The following DTD1 variants were observed in gnomAD, a reference collection of about 807,000 sequenced individuals.
The protein encoded by DTD1 is D-tyrosyl-tRNA deacylase 1 homolog.
Under a neutral mutation model 25.6 loss-of-function variants are expected in DTD1, and 13 were observed. That is an observed-to-expected ratio of 0.51 (90% confidence interval 0.33 to 0.81). DTD1 has a LOEUF of 0.81. Among genes scored for constraint, DTD1 ranks in the 30% least tolerant of loss-of-function variants. The pLI is 0.02. For missense variants in DTD1, 193 were observed against 266.4 expected, an observed-to-expected ratio of 0.72 and a Z score of 1.92; for synonymous variants, 110 against 103.6, an observed-to-expected ratio of 1.06 and a Z score of -0.37.
chr20:18,719,122 C>T (rs574410121), intron 4 of DTD1, among the ~76,000 whole-genome samples: 4 of 152,348 alleles, frequency 2.6e-5, no homozygotes, highest in Non-Finnish European at 5.9e-5. Context: ...GATATAACCT[C>T]ATCCTAAGTC....
intron 3 of DTD1, among the ~76,000 whole-genome samples, chr20:18,623,750 A>G (rs1711818146): frequency 6.6e-6 from 1 of 152,186 alleles, no homozygotes; most frequent in South Asian, 2.1e-4. Context: ...GACATACCCA[A>G]CACAGCAGCC....
At chr20:18,753,675 A>G (rs916225631) in intron 5 of DTD1, among the ~76,000 whole-genome samples, 2 of 151,710 alleles carry the variant, frequency 1.3e-5, no homozygotes, top group African/African-American at 2.4e-5. Flanking sequence ...AGATGGGAGA[A>G]TAAGTTAAAG....
intron 4 of DTD1, among the ~76,000 whole-genome samples, chr20:18,669,059 CT>C (rs1306425141): frequency 6.6e-6 from 1 of 152,220 alleles, no homozygotes; most frequent in African/African-American, 2.4e-5. Context: ...TTATAGAGCA[CT>C]TGTGTTCAAG....
chr20:18,637,256 G>A (rs1229103020), intron 4 of DTD1, among the ~76,000 whole-genome samples: 17 of 152,150 alleles, frequency 1.1e-4, no homozygotes, highest in South Asian at 2.1e-4. Flanking sequence ...ATTCATCAAC[G>A]AGCCCTCAGT....
At chr20:18,631,475 C>T (rs1320487675) in intron 4 of DTD1, 1 of 985,352 alleles carries the variant, frequency 1.0e-6, no homozygotes, top group Non-Finnish European at 1.2e-6. Flanking sequence ...CACAGTCATC[C>T]ATCTTATCCC....
At chr20:18,682,712 T>C (rs1015651061) in intron 4 of DTD1, among the ~76,000 whole-genome samples, 4 of 152,222 alleles carry the variant, frequency 2.6e-5, no homozygotes, top group Non-Finnish European at 5.9e-5. Context: ...GTCTATTTAT[T>C]TTTTGGACAC....
chr20:18,649,326 C>CTTTTTTTT (rs55766733), intron 4 of DTD1, among the ~76,000 whole-genome samples: 691 of 57,648 alleles, frequency 0.012, 166 homozygotes, highest in Non-Finnish European at 0.016. Flanking sequence ...ATTCATCTTT[C>CTTTTTTTT]TTTTTTTTTT....
intron 4 of DTD1, chr20:18,698,813 G>A (rs570730676): frequency 2.0e-5 from 3 of 152,340 alleles, no homozygotes; most frequent in South Asian, 2.1e-4. Flanking sequence ...AGGAACATTT[G>A]ATTTTCTTTC....
At chr20:18,648,854 G>A (rs1354156645) in intron 4 of DTD1, among the ~76,000 whole-genome samples, 1 of 151,698 alleles carries the variant, frequency 6.6e-6, no homozygotes, top group African/African-American at 2.4e-5. Context: ...AAATTAGCCG[G>A]GTGTGGTGGC....
rs1220374810 is a variant in DTD1, at chr20:18,603,632, G to T, written c.370+7391G>T. On this transcript the variant is annotated intron_variant, in intron 3 of 5. Coordinates refer to ENST00000377452, the MANE Select transcript of DTD1 (RefSeq NM_080820.6). ...AGGATTAAGAATCTCACTCAAAGCC[G>T]CTCAACTACATGGAAACTGAACAAC... 1.1e-4 allele frequency among the ~76,000 whole-genome samples: 12 copies of T among 108,484 alleles called. No individual in the cohort carries two copies. In the South Asian group the frequency reaches 3.4e-3, roughly 31 times the overall value. 71.2% of individuals were successfully genotyped at this position (108,484 alleles called of 152,430 possible).
chr20:18,757,804 T>C (rs897571838), intron 5 of DTD1, among the ~76,000 whole-genome samples: 3 of 152,164 alleles, frequency 2.0e-5, no homozygotes, highest in African/African-American at 7.2e-5. Flanking sequence ...TTAGGGAGGA[T>C]TCCCTCTTTT....
chr20:18,746,348 G>A (rs1325124548), intron 5 of DTD1, among the ~76,000 whole-genome samples: 2 of 152,176 alleles, frequency 1.3e-5, no homozygotes, highest in Non-Finnish European at 2.9e-5. Flanking sequence ...CTGAAAGAGA[G>A]CAAGGGTCAG....
chr20:18,706,950 A>T (rs2061129011), intron 4 of DTD1, among the ~76,000 whole-genome samples: 1 of 152,234 alleles, frequency 6.6e-6, no homozygotes, highest in African/African-American at 2.4e-5. Context: ...GGCATTATCC[A>T]TCAGGTGTGC....
At chr20:18,685,809 C>A (rs903026482) in intron 4 of DTD1, among the ~76,000 whole-genome samples, 6 of 152,194 alleles carry the variant, frequency 3.9e-5, no homozygotes, top group Non-Finnish European at 7.4e-5. Context: ...GTTGTAGTCA[C>A]ACTGAACAAT....
chr20:18,733,253 C>T (rs6081334), intron 4 of DTD1, among the ~76,000 whole-genome samples: 1 of 152,004 alleles, frequency 6.6e-6, no homozygotes, highest in African/African-American at 2.4e-5. Flanking sequence ...CTTCTAGAAT[C>T]CTTAACTTCT....
At chr20:18,745,369 G>A (rs16979584) in intron 5 of DTD1, among the ~76,000 whole-genome samples, 6,564 of 152,274 alleles carry the variant, frequency 0.043, 301 homozygotes, top group African/African-American at 0.11. Flanking sequence ...ATTTTGCCAA[G>A]CACTGGACCA....
intron 3 of DTD1, among the ~76,000 whole-genome samples, chr20:18,622,762 A>G (rs181924684): frequency 3.2e-3 from 482 of 152,246 alleles, no homozygotes; most frequent in African/African-American, 0.01. Context: ...GTCTGGACCA[A>G]TTTAAATCAC....
intron 3 of DTD1, among the ~76,000 whole-genome samples, chr20:18,612,127 C>T (rs6136434): frequency 0.14 from 21,210 of 149,280 alleles, 1,646 homozygotes; most frequent in Admixed American, 0.19. Context: ...CTCCGCCTCC[C>T]GGGTTCACGC....
intron 5 of DTD1, among the ~76,000 whole-genome samples, chr20:18,761,041 G>A (rs985669813): frequency 2.0e-5 from 3 of 152,168 alleles, no homozygotes; most frequent in African/African-American, 4.8e-5. Flanking sequence ...AGCCATGCGC[G>A]GGATATAATC....
Sources: allele counts gnomAD v4.1 joint callset (sites outside exome capture counted in the v4.1 genomes callset), GRCh38; gene constraint gnomAD v4.1.1; transcripts MANE v1.5; gene names NCBI Gene and HGNC (gene_info 2026-07-23, HGNC 2026-07-21).